Variants in COL3A1 observed in about 807,000 individuals in gnomAD.
The protein encoded by COL3A1 is collagen type III alpha 1 chain, also known as collagen alpha-1(III) chain.
In COL3A1, 46 loss-of-function variants were observed where a neutral mutation model predicts 200.9. That is an observed-to-expected ratio of 0.23 (90% CI 0.18 to 0.29). The LOEUF (loss-of-function observed/expected upper bound fraction) is 0.29, where lower values mean the gene tolerates loss of function less well. Among genes scored for constraint, COL3A1 ranks in the 10% least tolerant of loss-of-function variants. The probability of loss-of-function intolerance (pLI) is 1.00; values close to 1 mark genes in which losing one functional copy is unlikely to be tolerated. For missense variants in COL3A1, 1,367 were observed against 1,917.6 expected, an observed-to-expected ratio of 0.71 and a Z score of 5.36; for synonymous variants, 650 against 628.0, an observed-to-expected ratio of 1.03 and a Z score of -0.52.
chr2:188,996,705 C>G (rs1688327699), intron 24 of COL3A1, among the ~76,000 whole-genome samples: 1 of 152,176 alleles, frequency 6.6e-6, no homozygotes, highest in Non-Finnish European at 1.5e-5. Flanking sequence ...AAATATGAAA[C>G]AGGCTGGGTG....
At chr2:189,002,691 G>A (rs919359238) in intron 35 of COL3A1, among the ~76,000 whole-genome samples, 2 of 152,112 alleles carry the variant, frequency 1.3e-5, no homozygotes, top group East Asian at 3.9e-4. Context: ...TACTGGTGCT[G>A]ATTTTCAAAT....
chr2:188,992,752 A>G, intron 14 of COL3A1, 135 bp from the exon 15 acceptor site: 6 of 773,492 alleles, frequency 7.8e-6, no homozygotes, highest in Non-Finnish European at 1.1e-5. Flanking sequence ...TCTCTACATA[A>G]TATCCATAAA....
chr2:188,989,546 AT>A (rs1392020203), intron 8 of COL3A1, 97 bp downstream of exon 8: 10 of 918,676 alleles, frequency 1.1e-5, no homozygotes, highest in Middle Eastern at 6.6e-4. Flanking sequence ...AGAAAAAAAA[AT>A]GTTATTCAAA....
intron 43 of COL3A1, 118 bp downstream of exon 43, chr2:189,006,570 C>A: frequency 1.0e-6 from 1 of 984,472 alleles, no homozygotes; most frequent in Non-Finnish European, 1.6e-6. Flanking sequence ...ATTTGTTTTA[C>A]AGTTTTAATG....
chr2:189,007,833 T>A (rs968854257), intron 45 of COL3A1, 52 bp from the exon 46 acceptor site: 15 of 1,594,402 alleles, frequency 9.4e-6, no homozygotes, highest in Non-Finnish European at 1.3e-5. Flanking sequence ...ATGTACAGTT[T>A]CCCAGTGCTT....
Position 189,010,373 on chromosome 2 carries a change from A to C in COL3A1, c.4011+8A>C, listed in dbSNP as rs781175426. Reference sequence around the variant, plus strand: ...ATGGATGGTGGTTTTCAGGTAGGAAAGGATATACCTTTTTTTAAATAAGTC... The same window carrying C: ...ATGGATGGTGGTTTTCAGGTAGGAACGGATATACCTTTTTTTAAATAAGTC... On this transcript the variant is annotated splice_region_variant and intron_variant, in intron 49 of 50. Transcript: ENST00000304636. The C allele has an allele frequency of 2.6e-5, 42 of 1,613,890 alleles. No homozygotes were observed. The highest frequency in any genetic ancestry group is 3.4e-5 in the Non-Finnish European group (40 of 1,179,884).
chr2:189,005,743 A>G, intron 41 of COL3A1: 2 of 347,860 alleles, frequency 5.7e-6, no homozygotes, highest in Non-Finnish European at 1.1e-5. Flanking sequence ...CTGAGTGAAA[A>G]TATTCTACGG....
chr2:188,998,616 TA>T, intron 28 of COL3A1, 57 bp from the exon 29 acceptor site: 2 of 1,519,008 alleles, frequency 1.3e-6, no homozygotes, highest in South Asian at 2.3e-5. Context: ...CATATTTGCT[TA>T]TATTTACATA....
intron 1 of COL3A1, among the ~76,000 whole-genome samples, chr2:188,976,946 G>A (rs1039751096): frequency 3.3e-5 from 5 of 152,116 alleles, no homozygotes; most frequent in Middle Eastern, 3.2e-3. Context: ...TTTATAATGA[G>A]CTTTAAAAAA....
chr2:189,011,919 G>GA lies in COL3A1; in HGVS notation c.*150dup, dbSNP rs1364250761. The GA allele has an allele frequency of 1.3e-5, 11 of 853,190 alleles. No homozygotes were observed. The African/African-American group carries it at 1.7e-4, about 13-fold the overall frequency. 52.9% of individuals were successfully genotyped at this position (853,190 alleles called of 1,614,324 possible). ...TTTGGAAACAGTATAATTTGACAAA[G>GA]AAAAATGATACTTCTCTTTTTTTGC... On this transcript the variant is annotated 3_prime_UTR_variant, in exon 51 of 51. Transcript: ENST00000304636.
chr2:188,999,393 C>T lies in COL3A1; in HGVS notation c.2121+10C>T, dbSNP rs763630559. The T allele has an allele frequency of 1.2e-5, 19 of 1,613,224 alleles. No individual in the cohort carries two copies. Among genetic ancestry groups the T allele is most frequent in the Non-Finnish European group, 1.5e-5 (18 of 1,179,466 alleles). ...TCCCGAAGGAGGAAAGGTAACTCCA[C>T]AGCATTCCATTCACCTAGGTTTAAA... On this transcript the variant is annotated intron_variant, in intron 30 of 50. Transcript: ENST00000304636.
rs1688292723 is a variant in COL3A1 at position 188,995,762 on chromosome 2, A to G, written c.1580A>G (p.Asp527Gly). 4 of 1,565,368 alleles carry G rather than the reference A, an allele frequency of 2.6e-6. No individual in the cohort carries two copies. The highest frequency in any genetic ancestry group is 3.5e-6 in the Non-Finnish European group (4 of 1,154,298). ...GGAGCTGCTGGAGAACCTGGCAGAG[A>G]TGGCGTCCCTGGAGGTCCAGGAATG... is the stretch of plus-strand genomic sequence containing the variant. ...PRGAAGEPGR[D>G]GVPGGPGMRG... The change falls in exon 22 of 51, where the codon GAT (aspartate) becomes GGT (glycine). Residue 527 changes from aspartate to glycine, a missense_variant. Asp to Gly is a moderately conservative substitution (Grantham distance 94, BLOSUM62 -1). Transcript: ENST00000304636.
rs767577382 is a variant in COL3A1 at position 189,009,041 on chromosome 2, G to A, written c.3643G>A (p.Gly1215Ser). 1.2e-5 allele frequency: 19 copies of A among 1,613,994 alleles called. No individual in the cohort carries two copies. Among genetic ancestry groups the A allele is most frequent in the Middle Eastern group, 1.6e-4 (1 of 6,084 alleles). ...TGGGATTGGAGGTGAAAAAGCTGGC[G>A]GTTTTGCCCCGTATTATGGAGATGA... The part of the protein sequence containing the change: ...IAGIGGEKAG[G>S]FAPYYGDEPM... The change falls in exon 48 of 51, where the codon GGT becomes AGT. Residue 1215 changes from glycine to serine, a missense_variant. By Grantham distance (56) the Gly-to-Ser change is moderately conservative. Coordinates refer to ENST00000304636, the MANE Select transcript of COL3A1 (RefSeq NM_000090.4).
chr2:188,996,860 G>A (rs1370237177), intron 24 of COL3A1, among the ~76,000 whole-genome samples: 1 of 152,022 alleles, frequency 6.6e-6, no homozygotes, highest in East Asian at 1.9e-4. Context: ...ATGGTGGCAT[G>A]TGCCTGTAAT....
chr2:189,002,462 T>G (rs1278960759), intron 35 of COL3A1, 111 bp downstream of exon 35: 2 of 902,354 alleles, frequency 2.2e-6, no homozygotes, highest in Non-Finnish European at 3.6e-6. Flanking sequence ...TAGCTGCTCA[T>G]TCCCTATAGG....
chr2:189,002,455 C>A, intron 35 of COL3A1, 104 bp downstream of exon 35: 1 of 962,666 alleles, frequency 1.0e-6, no homozygotes, highest in Non-Finnish European at 1.7e-6. Flanking sequence ...CTCATTTTAG[C>A]TGCTCATTCC....
chr2:188,979,520 A>G (rs1687905700), intron 1 of COL3A1, among the ~76,000 whole-genome samples: 1 of 151,808 alleles, frequency 6.6e-6, no homozygotes. Flanking sequence ...TCTGAGTCAC[A>G]CATTTATTCT....
In COL3A1 at chr2:189,010,268, C is replaced by G. The variant is rs1060500197; in HGVS notation, c.3914C>G (p.Ala1305Gly). Residue 1305 changes from alanine (A) to glycine (G), a missense_variant, in exon 49 of 51, where the codon GCC becomes GGC. Around this residue, in one of 5 missense-constraint regions of COL3A1, gnomAD observed 846 missense variants for 1,147.9 expected, o/e 0.74. Transcript: ENST00000304636. ...GAAACTGGGGAAACATGCATAAGTG[C>G]CAATCCTTTGAATGTTCCACGGAAA... ...NMETGETCIS[A>G]NPLNVPRKHW... 6.2e-7 allele frequency: 1 copy of G among 1,614,138 alleles called. No homozygotes were observed. The highest frequency in any genetic ancestry group is 1.6e-4 in the Middle Eastern group (1 of 6,062).
rs368556405 is a variant in COL3A1, at chr2:189,009,091, C to T, written c.3693C>T (p.Thr1231=). Residue 1231 remains threonine (T), a synonymous_variant, in exon 48 of 51, where the codon ACC becomes ACT. Transcript: ENST00000304636. Reference sequence around the variant, plus strand: ...AACCAATGGATTTCAAAATCAACACCGATGAGATTATGACTTCACTCAAGT... The same window carrying T: ...AACCAATGGATTTCAAAATCAACACTGATGAGATTATGACTTCACTCAAGT... ...GDEPMDFKIN[T]DEIMTSLKSV... is the part of the protein sequence containing the mutation. 4 of 1,614,112 alleles carry T rather than the reference C, an allele frequency of 2.5e-6. No homozygotes were observed. Among genetic ancestry groups the T allele is most frequent in the African/African-American group, 1.3e-5 (1 of 75,008 alleles).
Sources: allele counts gnomAD v4.1 joint callset (sites outside exome capture counted in the v4.1 genomes callset), GRCh38; gene constraint gnomAD v4.1.1; regional missense constraint gnomAD v4.1.1; transcripts MANE v1.5; gene names NCBI Gene and HGNC (gene_info 2026-07-23, HGNC 2026-07-21).